ISCA2: variants seen among roughly 807,000 people sequenced by gnomAD.
ISCA2 encodes iron-sulfur cluster assembly 2, also known as iron-sulfur cluster assembly 2 homolog, mitochondrial.
A neutral mutation model predicts 19.1 loss-of-function variants in ISCA2; 21 were observed. The ratio of observed to expected loss-of-function variants is 1.10; its 90% CI spans 0.78 to 1.59. The LOEUF is 1.59. Ranked by LOEUF, ISCA2 falls within the 40% of genes most tolerant of loss-of-function variation. ISCA2 has a pLI of 0.00. For missense variants in ISCA2, 181 were observed against 191.7 expected (o/e 0.94, Z 0.33); for synonymous variants, 107 against 83.8 (o/e 1.28, Z -1.51).
chr14:74,496,074 T>C lies in ISCA2; in HGVS notation c.*1074T>C, dbSNP rs1488179569. 2.6e-5 allele frequency: 4 copies of C among 152,364 alleles called. No individual in the cohort carries two copies. The South Asian group carries it at 6.2e-4, about 24-fold the overall frequency. 9.4% of individuals were successfully genotyped at this position (152,364 alleles called of 1,614,324 possible). On this transcript the variant is annotated 3_prime_UTR_variant, in exon 4 of 4. Transcript: ENST00000556816. ...GTGGCACTTAAATAGGCTTCGGAGC[T>C]TGAAATAATCCTGTTAGAGTACTGT...
chr14:74,494,282 T>A lies in ISCA2; in HGVS notation c.182T>A (p.Leu61Ter). 1 of 1,613,856 alleles carries A rather than the reference T, an allele frequency of 6.2e-7. No homozygotes were observed. Among genetic ancestry groups the A allele is most frequent in the Non-Finnish European group, 8.5e-7 (1 of 1,179,668 alleles). Residue 61 changes from leucine to a stop codon, truncating the protein, a stop_gained, in exon 3 of 4, where the codon TTG becomes TAG. Transcript: ENST00000556816. LOFTEE classifies it high-confidence loss of function. ...CCCCTTCCTGCATTTCAGAGGCTTT[T>A]GGAAATCACCGAAGGGTCAGAATTC... Reference protein sequence around the residue: ...RLTDSCVQRLLEITEGSEFLR... With the variant: ...RLTDSCVQRL
At chr14:74,494,526 A>C in intron 3 of ISCA2, 136 bp downstream of exon 3, 1 of 686,580 alleles carries the variant, frequency 1.5e-6, no homozygotes. Context: ...GTGAGGATGC[A>C]GTAAAGGTTT....
At position 74,495,545 on chromosome 14, in the gene ISCA2, TAC is replaced by T; in HGVS notation, c.*547_*548del. 1.3e-5 allele frequency: 2 copies of T among 152,422 alleles called. No individual in the cohort carries two copies. Among genetic ancestry groups the T allele is most frequent in the Admixed American group, 1.3e-4 (2 of 15,308 alleles). 9.4% of individuals were successfully genotyped at this position (152,422 alleles called of 1,614,324 possible). On this transcript the variant is annotated 3_prime_UTR_variant, in exon 4 of 4. Transcript: ENST00000556816. ...GCCACTTCCTGTTTGATAGGACAGATACATTTTACTCTCATGCTCGTGGATCT... is the reference window on the plus strand; with the variant it reads ...GCCACTTCCTGTTTGATAGGACAGATATTTTACTCTCATGCTCGTGGATCT...
rs769087481 is a variant in ISCA2 at position 74,494,382 on chromosome 14, C to T, written c.282C>T (p.Pro94=). The change falls in exon 3 of 4, where the codon CCC becomes CCT. Residue 94 remains proline (P), a synonymous_variant. Coordinates refer to ENST00000556816, the MANE Select transcript of ISCA2 (RefSeq NM_194279.4). ...YKFSLDTVIN[P]DDRVFEQGGA... ...TTTCACTGGATACAGTTATCAACCC[C>T]GACGACAGGCAAGGAGGAAGGGGTG... 1.9e-6 allele frequency: 3 copies of T among 1,612,896 alleles called. No individual in the cohort carries two copies. The highest frequency in any genetic ancestry group is 3.3e-5 in the Admixed American group (2 of 60,030).
At chr14:74,494,465 A>G (rs1330645042) in intron 3 of ISCA2, 75 bp downstream of exon 3, 7 of 1,077,428 alleles carry the variant, frequency 6.5e-6, no homozygotes. Flanking sequence ...GTGCACTTTT[A>G]TTCCAAATTT....
At position 74,496,688 on chromosome 14, in the gene ISCA2, CA is replaced by C. The variant is rs1252097964; in HGVS notation, c.*1689del. The stretch of plus-strand genomic sequence containing the variant: ...ATTTTGTGGTTTTAAAACTCTTGAG[CA>C]CGAGCAGAACAGCTTTTGTTGCTAA... On this transcript the variant is annotated 3_prime_UTR_variant, in exon 4 of 4. Coordinates refer to ENST00000556816, the MANE Select transcript of ISCA2 (RefSeq NM_194279.4). 6.6e-6 allele frequency: 1 copy of C among 152,192 alleles called. No individual in the cohort carries two copies. Among genetic ancestry groups the C allele is most frequent in the African/African-American group, 2.4e-5 (1 of 41,448 alleles). 9.4% of individuals were successfully genotyped at this position (152,192 alleles called of 1,614,324 possible).
chr14:74,494,902 T>G lies in ISCA2; in HGVS notation c.367T>G (p.Phe123Val), dbSNP rs748723689. The change falls in exon 4 of 4, where the codon TTC becomes GTC. Residue 123 changes from phenylalanine to valine, a missense_variant. Transcript: ENST00000556816. The part of the protein sequence containing the change: ...LAFVKGAQVD[F>V]SQELIRSSFQ... ...CTTCGTGAAAGGGGCCCAGGTGGACTTCAGCCAAGAACTGATCCGAAGCTC... is the reference window on the plus strand; with the variant it reads ...CTTCGTGAAAGGGGCCCAGGTGGACGTCAGCCAAGAACTGATCCGAAGCTC... 6 of 1,614,060 alleles carry G rather than the reference T, an allele frequency of 3.7e-6. No homozygotes were observed.
Position 74,494,354 on chromosome 14 carries a change from A to C in ISCA2, c.254A>C (p.Lys85Thr), listed in dbSNP as rs148923908. The change falls in exon 3 of 4, where the codon AAA becomes ACA. Residue 85 changes from lysine (K) to threonine (T), a missense_variant. By Grantham distance (78) the Lys-to-Thr change is moderately conservative (BLOSUM62 -1). Coordinates refer to ENST00000556816, the MANE Select transcript of ISCA2 (RefSeq NM_194279.4). ...EGGGCSGFQY[K>T]FSLDTVINPD... ...GGTGGATGCTCCGGATTCCAATACA[A>C]ATTTTCACTGGATACAGTTATCAAC... 6.2e-7 allele frequency: 1 copy of C among 1,614,086 alleles called. No homozygotes were observed. The highest frequency in any genetic ancestry group is 8.5e-7 in the Non-Finnish European group (1 of 1,179,956).
rs1023704877 is a variant in ISCA2, at chr14:74,496,738, C to G, written c.*1738C>G. ...AAATCAATCAAATTACAGTGGTGCACTAGACAGAAACAGTCCCTTAGAATG... is the reference window on the plus strand; with the variant it reads ...AAATCAATCAAATTACAGTGGTGCAGTAGACAGAAACAGTCCCTTAGAATG... On this transcript the variant is annotated 3_prime_UTR_variant, in exon 4 of 4. Transcript: ENST00000556816. 6.6e-6 allele frequency: 1 copy of G among 152,178 alleles called. No homozygotes were observed. Among genetic ancestry groups the G allele is most frequent in the Admixed American group, 6.5e-5 (1 of 15,282 alleles). The allele number at this position is 152,178 out of a possible 1,614,324, so 9.4% of individuals were successfully genotyped here. A position where few individuals can be genotyped will look rare whatever the true frequency, so the allele number is the denominator to read the frequency against.
Position 74,493,771 on chromosome 14 carries a change from G to A in ISCA2, c.-4G>A. ...GACGCGAGGGGCGGAGCTTGTGGAG[G>A]AAGATGGCTGCCGCCTGGGGGTCGT... On this transcript the variant is annotated 5_prime_UTR_variant, in exon 1 of 4. Coordinates refer to ENST00000556816, the MANE Select transcript of ISCA2 (RefSeq NM_194279.4). This position sits in a 1 kb window ranked among gnomAD's most constrained non-coding sequence, Gnocchi z 4.1. 4.6e-6 allele frequency: 7 copies of A among 1,518,632 alleles called. No individual in the cohort carries two copies. The highest frequency in any genetic ancestry group is 6.2e-6 in the Non-Finnish European group (7 of 1,134,534). 94.1% of individuals were successfully genotyped at this position (1,518,632 alleles called of 1,614,324 possible).
chr14:74,494,474 T>G (rs993307202), intron 3 of ISCA2, 84 bp downstream of exon 3: 11 of 988,902 alleles, frequency 1.1e-5, no homozygotes, highest in Non-Finnish European at 1.6e-5. Flanking sequence ...TATTCCAAAT[T>G]TAAAGGGTTT....
At chr14:74,494,184 A>G in intron 2 of ISCA2, 32 bp downstream of exon 2, 2 of 1,587,894 alleles carry the variant, frequency 1.3e-6, no homozygotes, top group Non-Finnish European at 1.7e-6. Context: ...GGCGGTACCC[A>G]GGCGATTGGC....
rs937008290 is a variant in ISCA2 at position 74,495,367 on chromosome 14, G to C, written c.*367G>C. ...TGTATAAAAGCTTCATTTTAAAGAAGGTTCTTATTGTGTTGTGGATCAGGG... is the reference window on the plus strand; with the variant it reads ...TGTATAAAAGCTTCATTTTAAAGAACGTTCTTATTGTGTTGTGGATCAGGG... On this transcript the variant is annotated 3_prime_UTR_variant, in exon 4 of 4. Coordinates refer to ENST00000556816, the MANE Select transcript of ISCA2 (RefSeq NM_194279.4). 6.1e-6 allele frequency: 1 copy of C among 163,510 alleles called. No homozygotes were observed. The highest frequency in any genetic ancestry group is 1.3e-5 in the Non-Finnish European group (1 of 75,922). The allele number at this position is 163,510 out of a possible 1,614,324, so 10.1% of individuals were successfully genotyped here. A position where few individuals can be genotyped will look rare whatever the true frequency, so the allele number is the denominator to read the frequency against.
At position 74,493,771 on chromosome 14, in the gene ISCA2, G is replaced by C; in HGVS notation, c.-4G>C. The stretch of plus-strand genomic sequence containing the variant: ...GACGCGAGGGGCGGAGCTTGTGGAG[G>C]AAGATGGCTGCCGCCTGGGGGTCGT... On this transcript the variant is annotated 5_prime_UTR_variant, in exon 1 of 4. Coordinates refer to ENST00000556816, the MANE Select transcript of ISCA2 (RefSeq NM_194279.4). The surrounding 1 kb of genome is among the most constrained non-coding windows in gnomAD (Gnocchi z 4.1). 6.6e-7 allele frequency: 1 copy of C among 1,518,632 alleles called. No individual in the cohort carries two copies. Among genetic ancestry groups the C allele is most frequent in the South Asian group, 1.3e-5 (1 of 79,852 alleles). 94.1% of individuals were successfully genotyped at this position (1,518,632 alleles called of 1,614,324 possible).
Position 74,494,386 on chromosome 14 carries a change from G to A in ISCA2, c.286G>A (p.Asp96Asn). 1.9e-6 allele frequency: 3 copies of A among 1,611,302 alleles called. No individual in the cohort carries two copies. The highest frequency in any genetic ancestry group is 2.5e-6 in the Non-Finnish European group (3 of 1,177,420). The change falls in exon 3 of 4, where the codon GAC becomes AAC. Residue 96 changes from aspartate (D) to asparagine (N), a missense_variant. By Grantham distance (23) the Asp-to-Asn change is conservative. Transcript: ENST00000556816. ...FSLDTVINPD[D>N]RVFEQGGARV... ...ACTGGATACAGTTATCAACCCCGACGACAGGCAAGGAGGAAGGGGTGGGCC... is the reference window on the plus strand; with the variant it reads ...ACTGGATACAGTTATCAACCCCGACAACAGGCAAGGAGGAAGGGGTGGGCC...
At position 74,497,105 on chromosome 14, in the gene ISCA2, T is replaced by C. The variant is rs1216718942; in HGVS notation, c.*2105T>C. ...CAGCCTGGGTGGCAGAGTGAGACTCTGTCTCAAAAAAAAAAAAAAAAAAAA... is the reference window on the plus strand; with the variant it reads ...CAGCCTGGGTGGCAGAGTGAGACTCCGTCTCAAAAAAAAAAAAAAAAAAAA... On this transcript the variant is annotated 3_prime_UTR_variant, in exon 4 of 4. Transcript: ENST00000556816. 4 of 113,396 alleles carry C rather than the reference T, an allele frequency of 3.5e-5. No individual in the cohort carries two copies. Among genetic ancestry groups the C allele is most frequent in the Non-Finnish European group, 6.7e-5 (4 of 59,436 alleles). The allele number at this position is 113,396 out of a possible 1,614,324, so 7.0% of individuals were successfully genotyped here. A position where few individuals can be genotyped will look rare whatever the true frequency, so the allele number is the denominator to read the frequency against.
Position 74,496,220 on chromosome 14 carries a change from C to T in ISCA2, c.*1220C>T, listed in dbSNP as rs573008995. 1.7e-4 allele frequency: 26 copies of T among 152,266 alleles called. No homozygotes were observed. Among genetic ancestry groups the T allele is most frequent in the African/African-American group, 6.3e-4 (26 of 41,536 alleles). The allele number at this position is 152,266 out of a possible 1,614,324, so 9.4% of individuals were successfully genotyped here. On this transcript the variant is annotated 3_prime_UTR_variant, in exon 4 of 4. Transcript: ENST00000556816. ...TTCTGGAAGAGTTACTGGTTAAATC[C>T]ATCTTTTGCTTGGGAGCCTAGAAGT...
At chr14:74,494,688 A>G (rs1001728150) in intron 3 of ISCA2, 138 bp from the exon 4 acceptor site, 7 of 724,690 alleles carry the variant, frequency 9.7e-6, no homozygotes, top group Non-Finnish European at 1.6e-5. Context: ...TTTTGCCTCA[A>G]AGAAAATCAG....
rs2086821214 is a variant in ISCA2 at position 74,494,346 on chromosome 14, C to T, written c.246C>T (p.Phe82=). Residue 82 remains phenylalanine (F), a synonymous_variant, in exon 3 of 4, where the codon TTC becomes TTT. Transcript: ENST00000556816. ...TGGAGGGAGGTGGATGCTCCGGATT[C>T]CAATACAAATTTTCACTGGATACAG... is the stretch of plus-strand genomic sequence containing the variant. ...LQVEGGGCSG[F]QYKFSLDTVI... The T allele has an allele frequency of 6.2e-7, 1 of 1,614,144 alleles. No homozygotes were observed. The highest frequency in any genetic ancestry group is 1.3e-5 in the African/African-American group (1 of 75,052).
Sources: allele counts gnomAD v4.1 joint callset, GRCh38; gene constraint gnomAD v4.1.1; non-coding constraint Gnocchi (gnomAD v3.1); transcripts MANE v1.5; gene names NCBI Gene and HGNC (gene_info 2026-07-23, HGNC 2026-07-21).